CLSTN2: variants seen among roughly 807,000 people sequenced by gnomAD.
The protein encoded by CLSTN2 is calsyntenin-2.
Under a neutral mutation model 101.2 loss-of-function variants are expected in CLSTN2, and 48 were observed. The observed-to-expected ratio is 0.47, with a 90% CI of 0.38 to 0.60. The LOEUF is 0.60. Among genes scored for constraint, CLSTN2 ranks in the 20% least tolerant of loss-of-function variants. CLSTN2 has a pLI of 0.00. For missense variants in CLSTN2, 1,160 were observed against 1,238.2 expected, an observed-to-expected ratio of 0.94 and a Z score of 0.95; for synonymous variants, 481 against 463.6, an observed-to-expected ratio of 1.04 and a Z score of -0.48.
intron 5 of CLSTN2, among the ~76,000 whole-genome samples, chr3:140,446,785 G>T (rs1016303919): frequency 5.9e-5 from 9 of 152,116 alleles, no homozygotes; most frequent in African/African-American, 2.2e-4. Flanking sequence ...TGATATTCAG[G>T]CCTCAGCTCA....
At chr3:140,053,987 G>A (rs1387696793) in intron 1 of CLSTN2, among the ~76,000 whole-genome samples, 2 of 152,180 alleles carry the variant, frequency 1.3e-5, no homozygotes, top group Non-Finnish European at 2.9e-5. Context: ...CAATACAAGA[G>A]GGTCATCACA....
intron 4 of CLSTN2, 105 bp from the exon 5 acceptor site, chr3:140,421,014 AAAAGGG>A: frequency 8.9e-7 from 1 of 1,118,768 alleles, no homozygotes; most frequent in Non-Finnish European, 1.3e-6. Context: ...AGAGATAAGG[AAAAGGG>A]TCACTTTCTT....
chr3:140,518,740 G>A (rs921829230), intron 8 of CLSTN2, among the ~76,000 whole-genome samples: 2 of 152,166 alleles, frequency 1.3e-5, no homozygotes, highest in African/African-American at 4.8e-5. Context: ...ATGTTCCTGT[G>A]GGTAGTTCTT....
intron 2 of CLSTN2, among the ~76,000 whole-genome samples, chr3:140,243,601 G>C (rs1451815340): frequency 6.6e-6 from 1 of 152,080 alleles, no homozygotes; most frequent in Non-Finnish European, 1.5e-5. Context: ...ACTTGGGCTT[G>C]ATGGCTGAGG....
intron 2 of CLSTN2, among the ~76,000 whole-genome samples, chr3:140,266,316 A>G (rs376759479): frequency 6.6e-6 from 1 of 152,380 alleles, no homozygotes; most frequent in Admixed American, 6.5e-5. Context: ...AAGCAACATT[A>G]GAAATCCCAC....
At chr3:140,252,837 T>C (rs1576485638) in intron 2 of CLSTN2, among the ~76,000 whole-genome samples, 1 of 151,668 alleles carries the variant, frequency 6.6e-6, no homozygotes, top group South Asian at 2.1e-4. Context: ...AAAGGATAGG[T>C]GGAGCAGCTG....
At position 140,566,673 on chromosome 3, in the gene CLSTN2, A is replaced by G. The variant is rs757436852; in HGVS notation, c.*420A>G. ...TCCACACAGACCAGTAGGTTCTCCTATGCTGACTCCAGGTTGCTTCATACA... is the reference window on the plus strand; with the variant it reads ...TCCACACAGACCAGTAGGTTCTCCTGTGCTGACTCCAGGTTGCTTCATACA... On this transcript the variant is annotated 3_prime_UTR_variant, in exon 17 of 17. Transcript: ENST00000458420. The G allele has an allele frequency of 1.4e-4, 29 of 211,574 alleles. No individual in the cohort carries two copies. The highest frequency in any genetic ancestry group is 2.4e-4 in the Non-Finnish European group (24 of 102,106). 13.1% of individuals were successfully genotyped at this position (211,574 alleles called of 1,614,324 possible).
chr3:140,098,351 T>A (rs1053482219), intron 1 of CLSTN2, among the ~76,000 whole-genome samples: 6 of 152,220 alleles, frequency 3.9e-5, no homozygotes, highest in African/African-American at 1.4e-4. Flanking sequence ...AAAGTTAGAA[T>A]AAGCCTTTTC....
intron 1 of CLSTN2, among the ~76,000 whole-genome samples, chr3:140,014,989 G>T (rs77858764): frequency 0.028 from 4,299 of 152,294 alleles, 88 homozygotes; most frequent in Middle Eastern, 0.051. Context: ...TGCTAGCAGA[G>T]ACACGGGGCT....
chr3:140,457,908 C>T (rs1044582985), intron 6 of CLSTN2, among the ~76,000 whole-genome samples: 1 of 152,210 alleles, frequency 6.6e-6, no homozygotes, highest in African/African-American at 2.4e-5. Flanking sequence ...ATTTTAATCT[C>T]TACCTTCACA....
At chr3:140,317,184 T>C (rs1410698561) in intron 2 of CLSTN2, among the ~76,000 whole-genome samples, 2 of 152,172 alleles carry the variant, frequency 1.3e-5, no homozygotes, top group African/African-American at 2.4e-5. Context: ...TCATGAATTA[T>C]ACCAAAGAAG....
chr3:140,220,314 G>A (rs912565254), intron 2 of CLSTN2, among the ~76,000 whole-genome samples: 1 of 152,204 alleles, frequency 6.6e-6, no homozygotes, highest in Non-Finnish European at 1.5e-5. Context: ...GTATTGTGAT[G>A]TATTTGGTCA....
chr3:140,173,986 C>T (rs149391532), intron 1 of CLSTN2, among the ~76,000 whole-genome samples: 14 of 152,310 alleles, frequency 9.2e-5, no homozygotes, highest in Non-Finnish European at 1.2e-4. Flanking sequence ...TTGGGCTTCT[C>T]GTTACTTATG....
chr3:140,109,955 A>G (rs1292518617), intron 1 of CLSTN2, among the ~76,000 whole-genome samples: 1 of 152,154 alleles, frequency 6.6e-6, no homozygotes, highest in Non-Finnish European at 1.5e-5. Flanking sequence ...TTCCTTGATC[A>G]CAGTCAACCC....
intron 2 of CLSTN2, among the ~76,000 whole-genome samples, chr3:140,176,299 C>T (rs1196837992): frequency 1.3e-5 from 2 of 152,150 alleles, no homozygotes; most frequent in Admixed American, 6.6e-5. Flanking sequence ...CAGTGCAAGA[C>T]CCTTGTTTCT....
chr3:140,391,925 C>A (rs1309866472), intron 2 of CLSTN2, among the ~76,000 whole-genome samples: 1 of 152,014 alleles, frequency 6.6e-6, no homozygotes, highest in Non-Finnish European at 1.5e-5. Flanking sequence ...TGATAACCAG[C>A]AGTTTGGGAA....
At chr3:140,163,816 C>T (rs1020003529) in intron 1 of CLSTN2, among the ~76,000 whole-genome samples, 2 of 151,844 alleles carry the variant, frequency 1.3e-5, no homozygotes, top group South Asian at 2.1e-4. Flanking sequence ...AATGAGAACA[C>T]GACCGTAAAG....
At chr3:140,060,994 C>G (rs921429702) in intron 1 of CLSTN2, among the ~76,000 whole-genome samples, 3 of 152,144 alleles carry the variant, frequency 2.0e-5, no homozygotes, top group Admixed American at 6.5e-5. Flanking sequence ...GACATAGGGT[C>G]AGAGCGCTGG....
chr3:140,247,236 T>C (rs1428212612), intron 2 of CLSTN2, among the ~76,000 whole-genome samples: 1 of 152,206 alleles, frequency 6.6e-6, no homozygotes, highest in African/African-American at 2.4e-5. Flanking sequence ...GTGGTTATAC[T>C]GAGAGCCCAA....
Sources: gnomAD v4.1 joint callset for allele counts (sites outside exome capture counted in the v4.1 genomes callset) on GRCh38, gnomAD v4.1.1 for gene constraint, MANE v1.5 for transcripts, NCBI Gene and HGNC (gene_info 2026-07-23, HGNC 2026-07-21) for gene names.